The following MBNL1 variants were observed in gnomAD, a reference collection of about 807,000 sequenced individuals.
The protein encoded by MBNL1 is muscleblind like splicing regulator 1.
In MBNL1, 8 loss-of-function variants were observed where a neutral mutation model predicts 42.2. The observed-to-expected ratio is 0.19, with a 90% CI of 0.11 to 0.34. The LOEUF is 0.34. MBNL1 is among the 10% of genes least tolerant of loss of function. MBNL1 has a pLI of 1.00. For synonymous variants in MBNL1, 169 were observed against 173.9 expected, an observed-to-expected ratio of 0.97 and a Z score of 0.22; for missense variants, 309 against 495.3, an observed-to-expected ratio of 0.62 and a Z score of 3.57.
intron 1 of MBNL1, among the ~76,000 whole-genome samples, chr3:152,272,497 AAT>A (rs2042472644): frequency 6.6e-6 from 1 of 152,140 alleles, no homozygotes; most frequent in South Asian, 2.1e-4. Flanking sequence ...ATTATTTTAA[AAT>A]AGAGATTTTA....
intron 6 of MBNL1, among the ~76,000 whole-genome samples, chr3:152,450,163 A>G (rs1485021975): frequency 6.6e-6 from 1 of 151,742 alleles, no homozygotes; most frequent in Non-Finnish European, 1.5e-5. Flanking sequence ...ACACACACAC[A>G]TATTTCTCAA....
intron 3 of MBNL1, among the ~76,000 whole-genome samples, chr3:152,432,046 A>T (rs574962893): frequency 2.0e-5 from 3 of 152,220 alleles, no homozygotes; most frequent in Non-Finnish European, 4.4e-5. Flanking sequence ...CAAACTTCAC[A>T]TTTCAGACTT....
At chr3:152,268,714 G>A, upstream of MBNL1, 1 of 454,712 alleles carries the variant, frequency 2.2e-6, no homozygotes. Flanking sequence ...CGCTCTTGCG[G>A]GCTCTGTCCG....
chr3:152,281,715 G>C (rs959839136), intron 1 of MBNL1, among the ~76,000 whole-genome samples: 3 of 152,140 alleles, frequency 2.0e-5, no homozygotes, highest in African/African-American at 7.2e-5. Flanking sequence ...CACCTTTTAA[G>C]AAGTGCCTTG....
intron 8 of MBNL1, chr3:152,458,134 A>G (rs1737451429): frequency 3.7e-6 from 6 of 1,613,790 alleles, no homozygotes; most frequent in African/African-American, 1.3e-5. Flanking sequence ...CGACAGCCCC[A>G]TCCTTGATGC....
chr3:152,340,470 T>C, intron 2 of MBNL1: 1 of 1,513,712 alleles, frequency 6.6e-7, no homozygotes, highest in Non-Finnish European at 8.8e-7. Context: ...TCAGACTATG[T>C]GAATTTATAG....
chr3:152,455,337 G>A (rs145054404), intron 6 of MBNL1, among the ~76,000 whole-genome samples: 237 of 152,260 alleles, frequency 1.6e-3, no homozygotes, highest in African/African-American at 5.6e-3. Flanking sequence ...AGTTAAACTG[G>A]CTTTTATTCT....
chr3:152,358,249 T>C (rs2095668599), intron 2 of MBNL1, among the ~76,000 whole-genome samples: 1 of 152,216 alleles, frequency 6.6e-6, no homozygotes, highest in South Asian at 2.1e-4. Context: ...AAAAGTTTAT[T>C]CACTTCTTAT....
rs1487827302 is a variant in MBNL1 at position 152,288,942 on chromosome 3, T to G, written c.-789-10463T>G. 1.3e-5 allele frequency among the ~76,000 whole-genome samples: 2 copies of G among 152,200 alleles called. 1 individual carries two copies. Among genetic ancestry groups the G allele is most frequent in the Non-Finnish European group, 2.9e-5 (2 of 68,018 alleles). ...ATACAAAAACAGGCTTTCATTTCTA[T>G]TTATAGAAAAACAGACATACTTTTT... On this transcript the variant is annotated intron_variant, in intron 1 of 9. Transcript: ENST00000324210.
chr3:152,450,118 A>AAC (rs1560649429), intron 6 of MBNL1, among the ~76,000 whole-genome samples: 5 of 148,148 alleles, frequency 3.4e-5, no homozygotes, highest in Non-Finnish European at 4.5e-5. Flanking sequence ...AAAAAAAAAA[A>AAC]CCACACAAAA....
chr3:152,352,756 G>T (rs1012921195), intron 2 of MBNL1, among the ~76,000 whole-genome samples: 1 of 152,120 alleles, frequency 6.6e-6, no homozygotes, highest in Admixed American at 6.5e-5. Context: ...GTCATTTACT[G>T]ACCTGAGTCC....
In MBNL1 at chr3:152,421,658, T is replaced by A. The variant is rs191133298; in HGVS notation, c.345+6547T>A. ...CATATAATCGTCAGATTCACCAAGG[T>A]TTAAATGAAGGAAAAATGTTAAGGG... On this transcript the variant is annotated intron_variant, in intron 3 of 9. Coordinates refer to ENST00000324210, the MANE Select transcript of MBNL1 (RefSeq NM_021038.5). Among the ~76,000 whole-genome samples, 525 of 151,658 alleles carry A rather than the reference T, an allele frequency of 3.5e-3. 2 individuals are homozygous for A. The highest frequency in any genetic ancestry group is 0.012 in the African/African-American group (502 of 41,332).
chr3:152,420,736 C>T (rs2098791191), intron 3 of MBNL1, among the ~76,000 whole-genome samples: 1 of 152,202 alleles, frequency 6.6e-6, no homozygotes, highest in African/African-American at 2.4e-5. Context: ...AACTCCTCGC[C>T]AGCAAGGGAA....
rs1465147024 is a variant in MBNL1 at position 152,380,915 on chromosome 3, TTGTTA to T, written c.175-34021_175-34017del. On this transcript the variant is annotated intron_variant, in intron 2 of 9. Transcript: ENST00000324210. ...TCTAAGTTAGAATATCTTTTAATTT[TTGTTA>T]TGTTTTGTTTTTGTTAATAGCAAGT... Among the ~76,000 whole-genome samples, 6 of 152,210 alleles carry T rather than the reference TTGTTA, an allele frequency of 3.9e-5. No individual in the cohort carries two copies. The East Asian group carries it at 9.6e-4, about 24-fold the overall frequency.
chr3:152,285,275 A>G (rs1338027627), intron 1 of MBNL1, among the ~76,000 whole-genome samples: 3 of 152,178 alleles, frequency 2.0e-5, no homozygotes, highest in Non-Finnish European at 4.4e-5. Flanking sequence ...CATTTCTACC[A>G]AGTTTGGTAT....
intron 2 of MBNL1, among the ~76,000 whole-genome samples, chr3:152,251,467 T>C (rs2034518066): frequency 6.6e-6 from 1 of 152,256 alleles, no homozygotes; most frequent in African/African-American, 2.4e-5. Flanking sequence ...CTATTAATTA[T>C]AGTCACTACG....
intron 2 of MBNL1, chr3:152,340,937 T>C (rs1270342127): frequency 3.8e-6 from 6 of 1,567,294 alleles, no homozygotes; most frequent in Non-Finnish European, 4.3e-6. Context: ...GACAGGAGAC[T>C]GCAGCAGGCC....
chr3:152,391,805 C>A (rs964244827), intron 2 of MBNL1, among the ~76,000 whole-genome samples: 1 of 152,204 alleles, frequency 6.6e-6, no homozygotes, highest in East Asian at 1.9e-4. Context: ...GTTGGAAGCA[C>A]TGAGAAGTAC....
chr3:152,289,599 T>C (rs1428700976), intron 1 of MBNL1, among the ~76,000 whole-genome samples: 1 of 152,118 alleles, frequency 6.6e-6, no homozygotes, highest in African/African-American at 2.4e-5. Context: ...TGAAAAAAAG[T>C]CAAGTTAAAC....
Sources: allele counts gnomAD v4.1 joint callset (sites outside exome capture counted in the v4.1 genomes callset), GRCh38; gene constraint gnomAD v4.1.1; transcripts MANE v1.5; gene names NCBI Gene and HGNC (gene_info 2026-07-23, HGNC 2026-07-21).